The following LIPC variants were observed in gnomAD, a reference collection of about 807,000 sequenced individuals.
The protein encoded by LIPC is lipase C, hepatic type.
LIPC carries 44 observed loss-of-function variants against 50.7 expected under a neutral mutation model. The observed-to-expected ratio is 0.87, with a 90% confidence interval of 0.68 to 1.11. LIPC has a LOEUF of 1.11. Ranked by LOEUF, LIPC falls within the 50% of genes most tolerant of loss-of-function variation. The pLI is 0.00. For synonymous variants in LIPC, 271 were observed against 256.4 expected (o/e 1.06, Z -0.54); for missense variants, 697 against 648.2 (o/e 1.08, Z -0.82).
intron 1 of LIPC, among the ~76,000 whole-genome samples, chr15:58,501,924 A>G (rs1342136247): frequency 6.6e-6 from 1 of 152,068 alleles, no homozygotes. Flanking sequence ...AAAACCAGAC[A>G]TCTGTTATGT....
chr15:58,478,588 CT>C, intron 1 of LIPC, among the ~76,000 whole-genome samples: 1 of 152,188 alleles, frequency 6.6e-6, no homozygotes, highest in Non-Finnish European at 1.5e-5. Context: ...ATAGGTATTA[CT>C]ATGATTTATC....
chr15:58,495,080 G>A (rs747026437), intron 1 of LIPC, among the ~76,000 whole-genome samples: 3 of 152,146 alleles, frequency 2.0e-5, no homozygotes, highest in Non-Finnish European at 2.9e-5. Context: ...GAACACAGAA[G>A]ACTTTCTCAC....
At chr15:58,562,020 T>C (rs1366123511) in intron 7 of LIPC, among the ~76,000 whole-genome samples, 1 of 152,224 alleles carries the variant, frequency 6.6e-6, no homozygotes, top group East Asian at 1.9e-4. Flanking sequence ...GGCACTGTGG[T>C]AGGCGCCAGA....
chr15:58,456,794 G>A (rs1490474880), intron 1 of LIPC, among the ~76,000 whole-genome samples: 1 of 152,198 alleles, frequency 6.6e-6, no homozygotes, highest in Non-Finnish European at 1.5e-5. Context: ...TCTTTTTAGG[G>A]CTTCACCACT....
chr15:58,490,228 G>A (rs1891538167), intron 1 of LIPC, among the ~76,000 whole-genome samples: 1 of 152,178 alleles, frequency 6.6e-6, no homozygotes, highest in Non-Finnish European at 1.5e-5. Flanking sequence ...GGCAGGCACA[G>A]GGTATCAGGC....
At position 58,568,930 on chromosome 15, in the gene LIPC, G is replaced by A; in HGVS notation, c.*103G>A. On this transcript the variant is annotated 3_prime_UTR_variant, in exon 9 of 9. Coordinates refer to ENST00000299022, the MANE Select transcript of LIPC (RefSeq NM_000236.3). ...AATTACATAAAGAATCTCACACAAA[G>A]CTTAAATAAAGTTTAGATTTAAGGG... 6.1e-6 allele frequency: 4 copies of A among 659,116 alleles called. No homozygotes were observed. The highest frequency in any genetic ancestry group is 1.0e-5 in the Non-Finnish European group (4 of 390,870). 40.8% of individuals were successfully genotyped at this position (659,116 alleles called of 1,614,324 possible). A position where few individuals can be genotyped will look rare whatever the true frequency, so the allele number is the denominator to read the frequency against.
intron 1 of LIPC, among the ~76,000 whole-genome samples, chr15:58,465,170 G>GTC (rs1555398595): frequency 2.6e-5 from 4 of 152,000 alleles, no homozygotes; most frequent in Non-Finnish European, 4.4e-5. Context: ...AGAAGATTCT[G>GTC]TGTCAAGTGC....
chr15:58,541,826 C>T lies in LIPC; in HGVS notation c.315C>T (p.Ala105=), dbSNP rs151259669. 2.2e-5 allele frequency: 36 copies of T among 1,613,338 alleles called. No homozygotes were observed. Among genetic ancestry groups the T allele is most frequent in the Middle Eastern group, 1.7e-4 (1 of 6,054 alleles). The stretch of plus-strand genomic sequence containing the variant: ...AAAACTGGATCTGGCAGATGGTGGC[C>T]GCGCTGAAGTCTCAGCCGGCCCAGC... ...VLENWIWQMV[A]ALKSQPAQPV... is the part of the protein sequence containing the mutation. The change falls in exon 3 of 9, where the codon GCC becomes GCT. Residue 105 remains alanine, a synonymous_variant. Transcript: ENST00000299022.
intron 2 of LIPC, among the ~76,000 whole-genome samples, chr15:58,540,714 C>A (rs1893290819): frequency 6.6e-6 from 1 of 152,196 alleles, no homozygotes; most frequent in East Asian, 1.9e-4. Flanking sequence ...TTTCATGATT[C>A]TGTGACTCTG....
chr15:58,433,480 T>G (rs1283940672), intron 1 of LIPC, among the ~76,000 whole-genome samples: 1 of 152,244 alleles, frequency 6.6e-6, no homozygotes, highest in African/African-American at 2.4e-5. Context: ...TGCGTCTGGC[T>G]TCTTTCGTTC....
chr15:58,532,616 T>A (rs1189840016), intron 1 of LIPC, among the ~76,000 whole-genome samples: 1 of 152,212 alleles, frequency 6.6e-6, no homozygotes, highest in Non-Finnish European at 1.5e-5. Flanking sequence ...TATGCACTTG[T>A]GTGCCCAGTA....
Position 58,477,380 on chromosome 15 carries a change from C to G in LIPC, c.88+45260C>G, listed in dbSNP as rs538647317. 2.0e-5 allele frequency among the ~76,000 whole-genome samples: 3 copies of G among 152,286 alleles called. No individual in the cohort carries two copies. In the East Asian group the frequency reaches 5.8e-4, roughly 29 times the overall value. ...GGCTGGAGCCCAGCTTTGCAGAATG[C>G]CTGCATAGCAGTTTGACCCCAACAG... On this transcript the variant is annotated intron_variant, in intron 1 of 8. Coordinates refer to ENST00000299022, the MANE Select transcript of LIPC (RefSeq NM_000236.3).
chr15:58,449,386 T>G (rs1893821121), intron 1 of LIPC, among the ~76,000 whole-genome samples: 1 of 152,162 alleles, frequency 6.6e-6, no homozygotes, highest in Non-Finnish European at 1.5e-5. Flanking sequence ...CACCCAACAT[T>G]CTCTGCCAAA....
chr15:58,486,128 T>C (rs1288050884), intron 1 of LIPC, among the ~76,000 whole-genome samples: 1 of 152,176 alleles, frequency 6.6e-6, no homozygotes, highest in Non-Finnish European at 1.5e-5. Flanking sequence ...TGCCACTCCT[T>C]GACATGGACG....
rs762938418 is a variant in LIPC at position 58,548,367 on chromosome 15, G to A, written c.846G>A (p.Ser282=). 73 of 1,614,098 alleles carry A rather than the reference G, an allele frequency of 4.5e-5. No homozygotes were observed. Among genetic ancestry groups the A allele is most frequent in the South Asian group, 3.7e-4 (34 of 91,068 alleles). ...CCATAAAATGCTCCCACGAGCGATCGGTGCACCTTTTCATCGACTCCTTGC... is the reference window on the plus strand; with the variant it reads ...CCATAAAATGCTCCCACGAGCGATCAGTGCACCTTTTCATCGACTCCTTGC... ...TQTIKCSHER[S]VHLFIDSLLH... is the part of the protein sequence containing the mutation. Residue 282 remains serine, a synonymous_variant, in exon 6 of 9, where the codon TCG becomes TCA. Transcript: ENST00000299022.
At chr15:58,504,781 G>A (rs752268981) in intron 1 of LIPC, among the ~76,000 whole-genome samples, 5 of 152,216 alleles carry the variant, frequency 3.3e-5, no homozygotes, top group Admixed American at 6.5e-5. Flanking sequence ...AGCAGCACAC[G>A]TGGAGAGTAG....
intron 1 of LIPC, among the ~76,000 whole-genome samples, chr15:58,452,062 G>A (rs555311747): frequency 6.6e-6 from 1 of 152,242 alleles, no homozygotes; most frequent in Admixed American, 6.5e-5. Flanking sequence ...ACTTTCATTG[G>A]CATCCTAGGA....
chr15:58,465,503 T>C (rs1338282249), intron 1 of LIPC, among the ~76,000 whole-genome samples: 1 of 152,196 alleles, frequency 6.6e-6, no homozygotes, highest in Non-Finnish European at 1.5e-5. Flanking sequence ...TTGTAGGACA[T>C]GACTGACATG....
At chr15:58,476,395 A>C (rs1891001184) in intron 1 of LIPC, among the ~76,000 whole-genome samples, 1 of 152,254 alleles carries the variant, frequency 6.6e-6, no homozygotes, top group Non-Finnish European at 1.5e-5. Flanking sequence ...TCTAAGGGAC[A>C]GAAGTCACAG....
Sources: allele counts gnomAD v4.1 joint callset (sites outside exome capture counted in the v4.1 genomes callset), GRCh38; gene constraint gnomAD v4.1.1; transcripts MANE v1.5; gene names NCBI Gene and HGNC (gene_info 2026-07-23, HGNC 2026-07-21).